LRCH2: variants seen among roughly 807,000 people sequenced by gnomAD.
LRCH2 encodes the protein leucine rich repeats and calponin homology domain containing 2, also known as leucine-rich repeat and calponin homology domain-containing protein 2.
Under a neutral mutation model 68.9 loss-of-function variants are expected in LRCH2, and 38 were observed. The observed-to-expected ratio is 0.55, with a 90% CI of 0.43 to 0.72. The LOEUF (loss-of-function observed/expected upper bound fraction) is 0.72, where lower values mean the gene tolerates loss of function less well. Ranked by LOEUF, LRCH2 falls within the 30% of genes least tolerant of loss-of-function variation. LRCH2 has a pLI of 0.00. For missense variants in LRCH2, 528 were observed against 572.9 expected, an observed-to-expected ratio of 0.92 and a Z score of 0.80; for synonymous variants, 191 against 208.1, an observed-to-expected ratio of 0.92 and a Z score of 0.71.
intron 14 of LRCH2, among the ~76,000 whole-genome samples, chrX:115,148,496 G>A (rs1373398041): frequency 1.1e-4 from 12 of 111,677 alleles, no homozygotes; most frequent in African/African-American, 3.6e-4. Flanking sequence ...ATAAAGGAGA[G>A]CAAATAAATA....
intron 3 of LRCH2, among the ~76,000 whole-genome samples, chrX:115,181,735 T>A (rs1220701991): frequency 1.8e-5 from 2 of 112,349 alleles, no homozygotes; most frequent in Non-Finnish European, 3.8e-5. Context: ...CCATCTACTG[T>A]TACTGATTTC....
intron 14 of LRCH2, among the ~76,000 whole-genome samples, chrX:115,132,185 G>A (rs782177561): frequency 9.0e-6 from 1 of 111,684 alleles, no homozygotes; most frequent in African/African-American, 3.3e-5. Flanking sequence ...GTACTGCCTA[G>A]GTTTTCTTCT....
chrX:115,121,183 A>T (rs1358629502), intron 20 of LRCH2, among the ~76,000 whole-genome samples: 1 of 109,939 alleles, frequency 9.1e-6, no homozygotes, highest in Non-Finnish European at 1.9e-5. Context: ...ATAAATAAAT[A>T]AATAAATAAA....
At chrX:115,119,707 G>A (rs1446554502) in intron 20 of LRCH2, among the ~76,000 whole-genome samples, 15 of 79,132 alleles carry the variant, frequency 1.9e-4, no homozygotes, top group South Asian at 1.7e-3. Context: ...AGCCCGCATC[G>A]CCAAGTCAAT....
intron 16 of LRCH2, among the ~76,000 whole-genome samples, chrX:115,125,451 A>G (rs1464258993): frequency 0.023 from 1 of 44 alleles, no homozygotes; most frequent in Non-Finnish European, 0.042. Context: ...ATATATATAT[A>G]TATATATATA....
At chrX:115,220,930 G>A (rs949888281) in intron 1 of LRCH2, among the ~76,000 whole-genome samples, 4 of 109,048 alleles carry the variant, frequency 3.7e-5, no homozygotes, top group Admixed American at 3.0e-4. Context: ...GCTCACGCCT[G>A]TAATCCCAGC....
chrX:115,234,070 A>G lies in LRCH2; in HGVS notation c.-29T>C, dbSNP rs1326845814. 6.9e-6 allele frequency: 8 copies of G among 1,153,742 alleles called. No homozygotes were observed. The highest frequency in any genetic ancestry group is 2.7e-5 in the Admixed American group (1 of 37,542). On this transcript the variant is annotated 5_prime_UTR_variant, in exon 1 of 21. Coordinates refer to ENST00000317135, the MANE Select transcript of LRCH2 (RefSeq NM_020871.4). Reference sequence around the variant, plus strand: ...CCTGGGAGAGAGAATAGCCCCCGACAATACTGTCAGCCTGTGCCGCGAGTG... The same window carrying G: ...CCTGGGAGAGAGAATAGCCCCCGACGATACTGTCAGCCTGTGCCGCGAGTG...
intron 12 of LRCH2, among the ~76,000 whole-genome samples, chrX:115,151,946 A>G (rs1279850245): frequency 9.0e-6 from 1 of 111,347 alleles, no homozygotes; most frequent in Middle Eastern, 4.2e-3. Flanking sequence ...AGTAACAAAC[A>G]AAAGGGCAAT....
intron 18 of LRCH2, 39 bp from the exon 19 acceptor site, chrX:115,122,936 A>G: frequency 1.8e-6 from 2 of 1,138,712 alleles, no homozygotes; most frequent in Non-Finnish European, 2.4e-6. Flanking sequence ...CTCTATCTAA[A>G]CATACATGTT....
At chrX:115,227,883 G>C (rs782101756) in intron 1 of LRCH2, among the ~76,000 whole-genome samples, 1 of 110,928 alleles carries the variant, frequency 9.0e-6, no homozygotes, top group African/African-American at 3.3e-5. Flanking sequence ...AAAATAAAGT[G>C]ACAACATTCT....
intron 16 of LRCH2, 141 bp downstream of exon 16, chrX:115,126,702 G>A: frequency 1.6e-5 from 7 of 441,612 alleles, no homozygotes; most frequent in Non-Finnish European, 2.6e-5. Context: ...AAACTAATCT[G>A]CCACGGATTT....
chrX:115,156,321 C>G (rs1203059855), intron 12 of LRCH2, among the ~76,000 whole-genome samples: 2 of 111,315 alleles, frequency 1.8e-5, no homozygotes, highest in Admixed American at 1.9e-4. Context: ...ACACATTATT[C>G]CTGGCAGGAA....
In LRCH2 at chrX:115,233,997, A is replaced by T. The variant is rs1569518567; in HGVS notation, c.45T>A (p.Gly15=). 1 of 1,163,284 alleles carries T rather than the reference A, an allele frequency of 8.6e-7. No homozygotes were observed. The highest frequency in any genetic ancestry group is 1.1e-6 in the Non-Finnish European group (1 of 871,399). ...QGGGGNSGGG[G]CGGGGSSGGC... ...CACCGCTACTTCCACCTCCACCACA[A>T]CCGCCGCCCCCACTGTTACCGCCTC... Residue 15 remains glycine (G), a synonymous_variant, in exon 1 of 21, where the codon GGT becomes GGA. Transcript: ENST00000317135.
At chrX:115,131,135 A>G (rs1214996333) in intron 14 of LRCH2, among the ~76,000 whole-genome samples, 1 of 110,278 alleles carries the variant, frequency 9.1e-6, no homozygotes, top group Non-Finnish European at 1.9e-5. Context: ...TTATATTTTA[A>G]GTTCTAGGGT....
intron 3 of LRCH2, among the ~76,000 whole-genome samples, chrX:115,184,120 C>T (rs1237071868): frequency 8.9e-6 from 1 of 112,084 alleles, no homozygotes; most frequent in Non-Finnish European, 1.9e-5. Context: ...AAGACCTTTA[C>T]TGTCCACAAA....
At chrX:115,221,946 A>AG (rs1221036926) in intron 1 of LRCH2, among the ~76,000 whole-genome samples, 1 of 110,103 alleles carries the variant, frequency 9.1e-6, no homozygotes, top group African/African-American at 3.3e-5. Flanking sequence ...AGGAAAAAAA[A>AG]AAAAAAAGAA....
At chrX:115,221,403 C>T (rs1481759202) in intron 1 of LRCH2, among the ~76,000 whole-genome samples, 3 of 107,614 alleles carry the variant, frequency 2.8e-5, no homozygotes, top group Non-Finnish European at 5.7e-5. Flanking sequence ...CAGATATACA[C>T]CCTGAAGAAC....
intron 14 of LRCH2, among the ~76,000 whole-genome samples, chrX:115,148,106 T>C (rs2072402776): frequency 9.0e-6 from 1 of 111,675 alleles, no homozygotes. Flanking sequence ...AAACTGTGTT[T>C]GTTTGAAAGT....
intron 1 of LRCH2, among the ~76,000 whole-genome samples, chrX:115,207,918 T>G (rs2072980345): frequency 9.0e-6 from 1 of 111,674 alleles, no homozygotes; most frequent in African/African-American, 3.3e-5. Flanking sequence ...CCAGACAGAC[T>G]GAAGAGGGGG....
Sources: gnomAD v4.1 joint callset for allele counts (sites outside exome capture counted in the v4.1 genomes callset) on GRCh38, gnomAD v4.1.1 for gene constraint, MANE v1.5 for transcripts, NCBI Gene and HGNC (gene_info 2026-07-23, HGNC 2026-07-21) for gene names.